CACNA1C: variants seen among roughly 807,000 people sequenced by gnomAD.
CACNA1C encodes calcium voltage-gated channel subunit alpha1 C.
Under a neutral mutation model 229.0 loss-of-function variants are expected in CACNA1C, and 30 were observed. The observed-to-expected ratio is 0.13, with a 90% CI of 0.10 to 0.18. The LOEUF is 0.18. Among genes scored for constraint, CACNA1C ranks in the 10% least tolerant of loss-of-function variants. CACNA1C has a pLI of 1.00. For synonymous variants in CACNA1C, 1,114 were observed against 1,132.5 expected, an observed-to-expected ratio of 0.98 and a Z score of 0.33; for missense variants, 1,658 against 2,845.0, an observed-to-expected ratio of 0.58 and a Z score of 9.49.
At chr12:2,383,736 C>T (rs1349331409) in intron 3 of CACNA1C, among the ~76,000 whole-genome samples, 3 of 152,168 alleles carry the variant, frequency 2.0e-5, no homozygotes, top group African/African-American at 7.2e-5. Flanking sequence ...ATAGAAGGAA[C>T]CAAAAATACA....
At chr12:2,361,483 C>CT (rs1370841350) in intron 3 of CACNA1C, among the ~76,000 whole-genome samples, 1 of 151,964 alleles carries the variant, frequency 6.6e-6, no homozygotes, top group Non-Finnish European at 1.5e-5. Context: ...TCCTTTCTCC[C>CT]TTCCTCCCTT....
intron 3 of CACNA1C, among the ~76,000 whole-genome samples, chr12:2,268,821 G>A (rs1601528237): frequency 6.6e-6 from 1 of 152,200 alleles, no homozygotes; most frequent in African/African-American, 2.4e-5. Context: ...GATAGAACGA[G>A]ATGGTCCTTT....
At chr12:2,128,586 T>A (rs1235265318) in intron 3 of CACNA1C, among the ~76,000 whole-genome samples, 5 of 152,114 alleles carry the variant, frequency 3.3e-5, no homozygotes, top group African/African-American at 4.8e-5. Flanking sequence ...AATTTTTTTG[T>A]ATTTTTAGTA....
chr12:2,424,606 G>C (rs2099011293), intron 3 of CACNA1C, among the ~76,000 whole-genome samples: 1 of 152,188 alleles, frequency 6.6e-6, no homozygotes, highest in African/African-American at 2.4e-5. Flanking sequence ...GGGGGTGAGT[G>C]CTTGGGCTAT....
chr12:2,444,057 C>A (rs932695362), intron 3 of CACNA1C, among the ~76,000 whole-genome samples: 1 of 152,188 alleles, frequency 6.6e-6, no homozygotes, highest in Admixed American at 6.5e-5. Flanking sequence ...TGTTCAGACC[C>A]GCTCTTACTG....
intron 1 of CACNA1C, among the ~76,000 whole-genome samples, chr12:2,097,161 T>TTA (rs2074356183): frequency 2.0e-5 from 3 of 152,228 alleles, no homozygotes; most frequent in Non-Finnish European, 4.4e-5. Context: ...TATTTATTTT[T>TTA]TTGAGATGGA....
intron 3 of CACNA1C, among the ~76,000 whole-genome samples, chr12:2,325,567 A>G (rs1163888624): frequency 6.6e-6 from 1 of 152,244 alleles, no homozygotes; most frequent in Non-Finnish European, 1.5e-5. Flanking sequence ...AAACTCTCTG[A>G]GCTCCCACTG....
In CACNA1C at chr12:2,649,844, A is replaced by C. The variant is rs1046150233; in HGVS notation, c.3945+1337A>C. The stretch of plus-strand genomic sequence containing the variant: ...GGTGGAACTGACAGCTGAGTTATAA[A>C]ATCCTAAGCCTCCTCTGCATACTCC... On this transcript the variant is annotated intron_variant, in intron 31 of 46. Coordinates refer to ENST00000399655, the MANE Select transcript of CACNA1C (RefSeq NM_000719.7). The surrounding 1 kb of genome is among the most constrained non-coding windows in gnomAD (Gnocchi z 4.4). Among the ~76,000 whole-genome samples, 2 of 151,996 alleles carry C rather than the reference A, an allele frequency of 1.3e-5. No individual in the cohort carries two copies. The highest frequency in any genetic ancestry group is 4.8e-5 in the African/African-American group (2 of 41,336).
At position 2,512,091 on chromosome 12, in the gene CACNA1C, T is replaced by A. The variant is rs2099785514; in HGVS notation, c.1218-721T>A. On this transcript the variant is annotated intron_variant, in intron 8 of 46. Transcript: ENST00000399655. The surrounding 1 kb of genome is among the most constrained non-coding windows in gnomAD (Gnocchi z 4.3). Reference sequence around the variant, plus strand: ...AGGAATGCTGAGTGGCAGGTTGAGCTCGTCATAAGAATAGAGATTGAGGAC... The same window carrying A: ...AGGAATGCTGAGTGGCAGGTTGAGCACGTCATAAGAATAGAGATTGAGGAC... 6.6e-6 allele frequency among the ~76,000 whole-genome samples: 1 copy of A among 152,144 alleles called. No individual in the cohort carries two copies. Among genetic ancestry groups the A allele is most frequent in the East Asian group, 1.9e-4 (1 of 5,184 alleles).
At chr12:2,395,463 T>C (rs2098553042) in intron 3 of CACNA1C, among the ~76,000 whole-genome samples, 1 of 152,108 alleles carries the variant, frequency 6.6e-6, no homozygotes, top group Admixed American at 6.5e-5. Flanking sequence ...ATGTGATCCA[T>C]CCACCTTGGC....
At chr12:2,361,065 C>T (rs1342774337) in intron 3 of CACNA1C, among the ~76,000 whole-genome samples, 2 of 151,478 alleles carry the variant, frequency 1.3e-5, no homozygotes, top group African/African-American at 2.4e-5. Flanking sequence ...TTGGAATCAA[C>T]GAGTATTTTT....
chr12:2,267,498 G>T (rs763247611), intron 3 of CACNA1C, among the ~76,000 whole-genome samples: 17 of 152,072 alleles, frequency 1.1e-4, no homozygotes, highest in Admixed American at 3.9e-4. Flanking sequence ...AGCACCTGCC[G>T]GATTCACCAT....
chr12:2,274,576 G>A (rs968513516), intron 3 of CACNA1C, among the ~76,000 whole-genome samples: 1 of 152,184 alleles, frequency 6.6e-6, no homozygotes, highest in Non-Finnish European at 1.5e-5. Flanking sequence ...GTGGCTTCCC[G>A]ACGTGCACGG....
At chr12:2,324,608 C>T (rs1057300557) in intron 3 of CACNA1C, among the ~76,000 whole-genome samples, 3 of 151,148 alleles carry the variant, frequency 2.0e-5, no homozygotes, top group African/African-American at 7.2e-5. Context: ...TGCCAGGACC[C>T]TGATGTTTCA....
chr12:2,511,521 G>A (rs895904822), intron 8 of CACNA1C, among the ~76,000 whole-genome samples: 5 of 152,242 alleles, frequency 3.3e-5, no homozygotes, highest in African/African-American at 9.6e-5. Context: ...TCATGGGTGA[G>A]AGAGGAAGAC....
intron 7 of CACNA1C, among the ~76,000 whole-genome samples, chr12:2,497,407 G>A (rs2099748868): frequency 6.6e-6 from 1 of 152,206 alleles, no homozygotes; most frequent in Non-Finnish European, 1.5e-5. Context: ...GCAGAACGTT[G>A]CAGGTGAGAA....
At chr12:2,607,247 TG>T in intron 26 of CACNA1C, 117 bp downstream of exon 26, 1 of 1,055,210 alleles carries the variant, frequency 9.5e-7, no homozygotes, top group Non-Finnish European at 1.4e-6. Flanking sequence ...CATATTTACC[TG>T]GGTCCTCCCC....
chr12:2,293,604 G>T (rs2093722372), intron 3 of CACNA1C, among the ~76,000 whole-genome samples: 2 of 152,212 alleles, frequency 1.3e-5, no homozygotes, highest in South Asian at 2.1e-4. Context: ...ACTAGTGTTA[G>T]TGTATTTTAT....
intron 34 of CACNA1C, among the ~76,000 whole-genome samples, chr12:2,661,147 A>G (rs1293961452): frequency 2.0e-5 from 3 of 152,094 alleles, no homozygotes; most frequent in Non-Finnish European, 2.9e-5. Context: ...CTGTAGTCCC[A>G]GCTACTTGAG....
Sources: allele counts gnomAD v4.1 joint callset (sites outside exome capture counted in the v4.1 genomes callset), GRCh38; gene constraint gnomAD v4.1.1; non-coding constraint Gnocchi (gnomAD v3.1); transcripts MANE v1.5; gene names NCBI Gene and HGNC (gene_info 2026-07-23, HGNC 2026-07-21).